USP24: variants seen among roughly 807,000 people sequenced by gnomAD.
USP24 encodes ubiquitin specific peptidase 24.
A neutral mutation model predicts 361.6 loss-of-function variants in USP24; 97 were observed. The observed-to-expected ratio is 0.27, with a 90% CI of 0.23 to 0.32. The LOEUF (loss-of-function observed/expected upper bound fraction) is 0.32. USP24 is among the 10% of genes least tolerant of loss of function. The probability of loss-of-function intolerance (pLI) is 1.00; values close to 1 mark genes in which losing one functional copy is unlikely to be tolerated. For missense variants in USP24, 2,353 were observed against 3,165.6 expected, an observed-to-expected ratio of 0.74 and a Z score of 6.16; for synonymous variants, 1,098 against 1,124.6, an observed-to-expected ratio of 0.98 and a Z score of 0.47.
intron 12 of USP24, among the ~76,000 whole-genome samples, chr1:55,155,176 C>T (rs1331613550): frequency 2.0e-5 from 3 of 152,146 alleles, no homozygotes; most frequent in Admixed American, 6.5e-5. Flanking sequence ...TCCAATTGAG[C>T]GTATTACCTG....
chr1:55,147,117 C>G, intron 18 of USP24, 57 bp from the exon 19 acceptor site: 1 of 1,460,410 alleles, frequency 6.8e-7, no homozygotes, highest in South Asian at 1.5e-5. Flanking sequence ...CTAAAAGCAA[C>G]ATTAAAACAA....
At chr1:55,167,607 T>C (rs1423898363) in intron 5 of USP24, among the ~76,000 whole-genome samples, 3 of 152,102 alleles carry the variant, frequency 2.0e-5, no homozygotes, top group Non-Finnish European at 1.5e-5. Context: ...GAATGAGACA[T>C]AGTCAGACAC....
chr1:55,081,543 C>A, intron 58 of USP24, 119 bp from the exon 59 acceptor site: 1 of 942,740 alleles, frequency 1.1e-6, no homozygotes, highest in South Asian at 1.5e-5. Flanking sequence ...CAGTGCTTGA[C>A]AGAAGAGGTC....
chr1:55,079,399 T>C (rs906821325), intron 60 of USP24, 139 bp downstream of exon 60: 7 of 1,228,034 alleles, frequency 5.7e-6, no homozygotes, highest in African/African-American at 1.6e-5. Context: ...ACTAATTATT[T>C]CTTTTTGACA....
intron 5 of USP24, among the ~76,000 whole-genome samples, chr1:55,168,963 AAGTATACATAT>A (rs1649174394): frequency 7.2e-6 from 1 of 139,650 alleles, no homozygotes; most frequent in Non-Finnish European, 1.5e-5. Context: ...ACAAACAAAT[AAGTATACATAT>A]ATTTCCATAC....
chr1:55,186,577 T>C (rs568327553), intron 1 of USP24, among the ~76,000 whole-genome samples: 6 of 152,344 alleles, frequency 3.9e-5, no homozygotes, highest in Admixed American at 3.9e-4. Context: ...CCATGGATTA[T>C]CCAAACTTTA....
intron 38 of USP24, among the ~76,000 whole-genome samples, chr1:55,114,182 C>T (rs958151130): frequency 6.6e-6 from 1 of 152,154 alleles, no homozygotes; most frequent in African/African-American, 2.4e-5. Context: ...ATACAACTTA[C>T]AAGGCATGTG....
intron 63 of USP24, 110 bp from the exon 64 acceptor site, chr1:55,074,016 GA>G: frequency 1.4e-6 from 1 of 705,580 alleles, no homozygotes; most frequent in Admixed American, 3.0e-5. Context: ...TTAATAAACA[GA>G]TAAGGAACAA....
At chr1:55,081,470 A>G in intron 58 of USP24, 46 bp from the exon 59 acceptor site, 1 of 1,557,058 alleles carries the variant, frequency 6.4e-7, no homozygotes. Flanking sequence ...GTCGTCAGAA[A>G]TAATATGAAG....
chr1:55,152,778 A>G (rs1300636986), intron 16 of USP24, among the ~76,000 whole-genome samples: 1 of 152,212 alleles, frequency 6.6e-6, no homozygotes, highest in African/African-American at 2.4e-5. Flanking sequence ...TTACATGTAG[A>G]AAATTCACCT....
At chr1:55,178,728 TAAAA>T (rs1042109144) in intron 1 of USP24, among the ~76,000 whole-genome samples, 13 of 85,188 alleles carry the variant, frequency 1.5e-4, no homozygotes, top group Non-Finnish European at 3.1e-4. Context: ...AATAAATAAA[TAAAA>T]AGAACTGTCT....
At chr1:55,162,315 T>C (rs1347734987) in intron 7 of USP24, 51 bp from the exon 8 acceptor site, 8 of 1,452,192 alleles carry the variant, frequency 5.5e-6, no homozygotes, top group East Asian at 2.6e-5. Flanking sequence ...ATTTTTTTCC[T>C]GTCAAAATTA....
rs1260956403 is a variant in USP24, at chr1:55,141,688, AC to A, written c.2677del (p.Val893Ter). On this transcript the variant is annotated frameshift_variant, in exon 24 of 68. Coordinates refer to ENST00000294383, the MANE Select transcript of USP24 (RefSeq NM_015306.3). LOFTEE classifies it high-confidence loss of function. The stretch of plus-strand genomic sequence containing the variant: ...TGTAAGCATTTTTGTTGCTCTGGTC[AC>A]AGCATGTGTTAGAGTGGGGCCACCA... ...ALGGPTLTHA[V>X]TRATKMLTAT... The A allele has an allele frequency of 6.2e-7, 1 of 1,611,652 alleles. No homozygotes were observed. The highest frequency in any genetic ancestry group is 1.3e-5 in the African/African-American group (1 of 74,894).
At chr1:55,172,293 C>G in intron 4 of USP24, 84 bp downstream of exon 4, 17 of 1,221,634 alleles carry the variant, frequency 1.4e-5, no homozygotes, top group Non-Finnish European at 1.8e-5. Context: ...ATTATTATCA[C>G]TCATTATTAA....
At chr1:55,210,512 A>C (rs1027819774) in intron 1 of USP24, among the ~76,000 whole-genome samples, 1 of 152,224 alleles carries the variant, frequency 6.6e-6, no homozygotes, top group East Asian at 1.9e-4. Flanking sequence ...TTTTAGGAAA[A>C]GAATAACATG....
chr1:55,104,045 T>G, intron 41 of USP24, 25 bp from the exon 42 acceptor site: 1 of 1,580,922 alleles, frequency 6.3e-7, no homozygotes, highest in Non-Finnish European at 8.6e-7. Context: ...CACAAGTCAA[T>G]TTCAACAATG....
chr1:55,214,436 C>T (rs981704398), intron 1 of USP24, among the ~76,000 whole-genome samples: 13 of 151,972 alleles, frequency 8.6e-5, no homozygotes, highest in African/African-American at 1.5e-4. Context: ...CCACTATATG[C>T]TCAAGTGTCT....
At chr1:55,164,419 C>G (rs1032441231) in intron 7 of USP24, among the ~76,000 whole-genome samples, 1 of 151,804 alleles carries the variant, frequency 6.6e-6, no homozygotes. Flanking sequence ...ATATTTTTTC[C>G]TAGTATTTTT....
chr1:55,131,864 G>A (rs1452232659), intron 31 of USP24, among the ~76,000 whole-genome samples: 2 of 152,090 alleles, frequency 1.3e-5, no homozygotes, highest in African/African-American at 4.8e-5. Flanking sequence ...AATCATTCAG[G>A]GCTTTATTTT....
Sources: gnomAD v4.1 joint callset for allele counts (sites outside exome capture counted in the v4.1 genomes callset) on GRCh38, gnomAD v4.1.1 for gene constraint, MANE v1.5 for transcripts, NCBI Gene and HGNC (gene_info 2026-07-23, HGNC 2026-07-21) for gene names.